Variants in COL24A1 observed in about 807,000 individuals in gnomAD.
COL24A1 encodes the protein collagen alpha-1(XXIV) chain.
In COL24A1, 224 loss-of-function variants were observed where a neutral mutation model predicts 253.9. The ratio of observed to expected loss-of-function variants is 0.88; its 90% CI spans 0.79 to 0.99. The LOEUF (loss-of-function observed/expected upper bound fraction) is 0.99, where lower values mean the gene tolerates loss of function less well. Ranked by LOEUF, COL24A1 falls within the 50% of genes least tolerant of loss-of-function variation. The pLI is 0.00. For missense variants in COL24A1, 2,131 were observed against 2,068.5 expected (o/e 1.03, Z -0.59); for synonymous variants, 685 against 673.7 (o/e 1.02, Z -0.26).
chr1:85,949,621 C>A (rs1218288378), intron 24 of COL24A1, among the ~76,000 whole-genome samples: 1 of 151,918 alleles, frequency 6.6e-6, no homozygotes, highest in Non-Finnish European at 1.5e-5. Context: ...ATAACTTTCC[C>A]CTTCATTGCT....
chr1:85,783,647 T>A (rs1410912630), intron 50 of COL24A1, 89 bp from the exon 51 acceptor site: 1 of 1,229,038 alleles, frequency 8.1e-7, no homozygotes, highest in Non-Finnish European at 1.2e-6. Context: ...AGAATTGCTC[T>A]TTTAAAAATG....
intron 24 of COL24A1, among the ~76,000 whole-genome samples, chr1:85,956,487 A>G (rs1690482173): frequency 1.3e-5 from 2 of 152,318 alleles, no homozygotes; most frequent in South Asian, 4.1e-4. Flanking sequence ...AACAGAGAGG[A>G]CACAGTAGAT....
intron 55 of COL24A1, among the ~76,000 whole-genome samples, chr1:85,756,361 G>A (rs1017847302): frequency 3.9e-5 from 6 of 152,024 alleles, no homozygotes; most frequent in Non-Finnish European, 7.4e-5. Context: ...AGAGGTTGCC[G>A]TGAGCTGAGA....
chr1:85,948,823 T>C (rs1288915897), intron 24 of COL24A1, among the ~76,000 whole-genome samples: 3 of 151,398 alleles, frequency 2.0e-5, no homozygotes, highest in African/African-American at 7.3e-5. Context: ...ACATGTACCC[T>C]AGAACTTAAA....
chr1:86,110,609 G>A (rs74479369), intron 5 of COL24A1, among the ~76,000 whole-genome samples: 22,252 of 151,858 alleles, frequency 0.15, 1,765 homozygotes, highest in South Asian at 0.24. Flanking sequence ...GCGAGCGAGC[G>A]CGAGTTCCGG....
Position 85,754,477 on chromosome 1 carries a change from T to A in COL24A1, c.4437+6919A>T, listed in dbSNP as rs551697314. Among the ~76,000 whole-genome samples the A allele has an allele frequency of 1.9e-3, 204 of 105,958 alleles. 2 individuals carry two copies. The highest frequency in any genetic ancestry group is 7.1e-3 in the African/African-American group (190 of 26,790). The allele number at this position is 105,958 out of a possible 152,430, so 69.5% of individuals were successfully genotyped here. On this transcript the variant is annotated intron_variant, in intron 55 of 59. Coordinates refer to ENST00000370571, the MANE Select transcript of COL24A1 (RefSeq NM_152890.7). ...GGGTGCAGCGCACCAGCATGGCACA[T>A]GTATACATATGTAACTAACCTGCAC...
intron 52 of COL24A1, among the ~76,000 whole-genome samples, chr1:85,776,955 A>ATT (rs561997139): frequency 7.3e-5 from 11 of 149,700 alleles, no homozygotes; most frequent in African/African-American, 1.2e-4. Flanking sequence ...TTATTTACTT[A>ATT]TTTTTTTTTT....
chr1:85,754,881 G>A (rs369999), intron 55 of COL24A1, among the ~76,000 whole-genome samples: 135,492 of 152,056 alleles, frequency 0.89, 61,130 homozygotes, highest in Non-Finnish European at 0.97. Flanking sequence ...CTCAGAAGGG[G>A]AGGAGAGAGA....
chr1:86,076,833 A>C (rs2101881052), intron 7 of COL24A1, among the ~76,000 whole-genome samples: 1 of 152,340 alleles, frequency 6.6e-6, no homozygotes, highest in African/African-American at 2.4e-5. Context: ...ACCTTATACA[A>C]AAATTAACTC....
At chr1:86,039,948 C>A (rs1460853879) in intron 12 of COL24A1, among the ~76,000 whole-genome samples, 5 of 152,118 alleles carry the variant, frequency 3.3e-5, no homozygotes, top group African/African-American at 7.2e-5. Flanking sequence ...ATAATTGAGA[C>A]TAATTCTAAA....
chr1:85,860,523 C>T (rs549640289), intron 37 of COL24A1, among the ~76,000 whole-genome samples: 326 of 152,238 alleles, frequency 2.1e-3, no homozygotes, highest in African/African-American at 7.5e-3. Flanking sequence ...GGGCAGATCA[C>T]GAGGTCAGGA....
At chr1:85,825,013 G>A (rs1674090881) in intron 43 of COL24A1, among the ~76,000 whole-genome samples, 2 of 151,468 alleles carry the variant, frequency 1.3e-5, no homozygotes, top group Non-Finnish European at 2.9e-5. Context: ...ATGCTGGTGT[G>A]CTGCACTCAC....
chr1:85,962,138 T>A (rs1228664753), intron 23 of COL24A1, among the ~76,000 whole-genome samples: 1 of 152,180 alleles, frequency 6.6e-6, no homozygotes, highest in Non-Finnish European at 1.5e-5. Flanking sequence ...CACAGGGATG[T>A]TCTATTTGCT....
chr1:85,845,264 G>T (rs1442569558), intron 39 of COL24A1, among the ~76,000 whole-genome samples: 1 of 151,788 alleles, frequency 6.6e-6, no homozygotes, highest in Non-Finnish European at 1.5e-5. Context: ...AGGAGAGAAA[G>T]CATGGGTTTA....
At chr1:86,140,667 A>G (rs1021846096) in intron 2 of COL24A1, among the ~76,000 whole-genome samples, 1 of 152,244 alleles carries the variant, frequency 6.6e-6, no homozygotes, top group African/African-American at 2.4e-5. Flanking sequence ...GTTAAGAATT[A>G]GTTACACATT....
At chr1:85,976,391 C>T (rs1380835958) in intron 20 of COL24A1, among the ~76,000 whole-genome samples, 1 of 152,084 alleles carries the variant, frequency 6.6e-6, no homozygotes, top group African/African-American at 2.4e-5. Context: ...TCTCTGATGA[C>T]AGAGGGTATT....
chr1:85,999,707 C>T (rs1038018499), intron 19 of COL24A1, among the ~76,000 whole-genome samples: 29 of 151,938 alleles, frequency 1.9e-4, no homozygotes, highest in African/African-American at 6.8e-4. Flanking sequence ...AGGCAGAAGA[C>T]TCTATCTCCT....
intron 2 of COL24A1, among the ~76,000 whole-genome samples, chr1:86,140,092 T>A (rs1357461842): frequency 1.3e-5 from 2 of 152,220 alleles, no homozygotes; most frequent in Non-Finnish European, 2.9e-5. Flanking sequence ...ATCAAAGTTA[T>A]TGTATCCTTA....
chr1:85,769,214 GAC>G (rs1667702435), intron 53 of COL24A1, among the ~76,000 whole-genome samples: 1 of 152,072 alleles, frequency 6.6e-6, no homozygotes, highest in African/African-American at 2.4e-5. Flanking sequence ...AGGTGTGAGG[GAC>G]ACAGCATTAA....
Sources: gnomAD v4.1 joint callset for allele counts (sites outside exome capture counted in the v4.1 genomes callset) on GRCh38, gnomAD v4.1.1 for gene constraint, MANE v1.5 for transcripts, NCBI Gene and HGNC (gene_info 2026-07-23, HGNC 2026-07-21) for gene names.